PPFIA2: variants seen among roughly 807,000 people sequenced by gnomAD.
The protein encoded by PPFIA2 is liprin-alpha-2.
PPFIA2 carries 46 observed loss-of-function variants against 175.5 expected under a neutral mutation model. The ratio of observed to expected loss-of-function variants is 0.26; its 90% confidence interval spans 0.21 to 0.34. PPFIA2 has a LOEUF of 0.34. PPFIA2 is among the 10% of genes least tolerant of loss of function. The probability of loss-of-function intolerance (pLI) is 1.00; values close to 1 mark genes in which losing one functional copy is unlikely to be tolerated. For missense variants in PPFIA2, 1,179 were observed against 1,506.1 expected, an observed-to-expected ratio of 0.78 and a Z score of 3.60; for synonymous variants, 568 against 511.4, an observed-to-expected ratio of 1.11 and a Z score of -1.49.
intron 4 of PPFIA2, among the ~76,000 whole-genome samples, chr12:81,665,693 A>C (rs1248069675): frequency 2.0e-5 from 3 of 152,060 alleles, no homozygotes; most frequent in African/African-American, 7.3e-5. Flanking sequence ...TCCTGTTTTC[A>C]TCATAATCAC....
rs567173255 is a variant in PPFIA2 at position 81,524,658 on chromosome 12, G to A, written c.304-66792C>T. ...GATTTAGATAATATTTAGATGAGAT[G>A]TGAACTTTAGACTTCTAAGTTGATA... On this transcript the variant is annotated intron_variant, in intron 4 of 32. Coordinates refer to ENST00000549396, the MANE Select transcript of PPFIA2 (RefSeq NM_003625.5). Among the ~76,000 whole-genome samples the A allele has an allele frequency of 3.3e-5, 5 of 152,316 alleles. No homozygotes were observed. In the South Asian group the frequency reaches 1.0e-3, roughly 32 times the overall value.
At position 81,405,901 on chromosome 12, in the gene PPFIA2, A is replaced by C. The variant is rs771423380; in HGVS notation, c.648T>G (p.Ile216Met). The C allele has an allele frequency of 1.9e-6, 3 of 1,545,470 alleles. No homozygotes were observed. The African/African-American group carries it at 4.1e-5, about 21-fold the overall frequency. ...GAACATTTTGTTCACGCAAGGCAACAATCTGCAAAATAAAAGCACTATGCC... is the reference window on the plus strand; with the variant it reads ...GAACATTTTGTTCACGCAAGGCAACCATCTGCAAAATAAAAGCACTATGCC... Reference protein sequence around the residue: ...EEELAAANQEIVALREQNVHI... With the variant: ...EEELAAANQEMVALREQNVHI... The change falls in exon 8 of 33, where the codon ATT (isoleucine) becomes ATG (methionine). Residue 216 changes from isoleucine to methionine, a missense_variant and splice_region_variant. This residue lies in a region of PPFIA2 where 226 missense variants were observed against 216.6 expected (regional missense o/e 1.04). Transcript: ENST00000549396.
At chr12:81,368,065 T>A (rs962163238) in intron 13 of PPFIA2, 1 of 1,247,024 alleles carries the variant, frequency 8.0e-7, no homozygotes, top group African/African-American at 1.5e-5. Context: ...CAATCTAGAT[T>A]TCTAAAATGA....
chr12:81,337,504 G>T (rs558999657), intron 21 of PPFIA2, among the ~76,000 whole-genome samples: 1 of 152,056 alleles, frequency 6.6e-6, no homozygotes, highest in East Asian at 1.9e-4. Context: ...GTTTCTCAAA[G>T]GTTCTATACT....
intron 4 of PPFIA2, among the ~76,000 whole-genome samples, chr12:81,565,476 A>C (rs1266002948): frequency 6.6e-6 from 1 of 152,076 alleles, no homozygotes; most frequent in Non-Finnish European, 1.5e-5. Flanking sequence ...GTTAATAATA[A>C]ACTCCTGTCT....
At chr12:81,293,591 C>T (rs2045626335) in intron 24 of PPFIA2, among the ~76,000 whole-genome samples, 1 of 151,682 alleles carries the variant, frequency 6.6e-6, no homozygotes, top group Admixed American at 6.6e-5. Flanking sequence ...AAGTGAGATA[C>T]CATCCCACCT....
intron 5 of PPFIA2, among the ~76,000 whole-genome samples, chr12:81,456,678 T>G (rs574374342): frequency 6.6e-6 from 1 of 152,224 alleles, no homozygotes; most frequent in Non-Finnish European, 1.5e-5. Flanking sequence ...TTTTTCTACT[T>G]CCTTTTAGTA....
intron 7 of PPFIA2, chr12:81,430,077 C>T (rs779626917): frequency 2.0e-5 from 3 of 152,098 alleles, no homozygotes; most frequent in African/African-American, 7.2e-5. Context: ...TTCATCACTA[C>T]ACTACATGTT....
Position 81,620,861 on chromosome 12 carries a change from G to A in PPFIA2, c.303+55930C>T, listed in dbSNP as rs951295659. Among the ~76,000 whole-genome samples, 18 of 152,268 alleles carry A rather than the reference G, an allele frequency of 1.2e-4. No individual in the cohort carries two copies. In the East Asian group the frequency reaches 3.1e-3, roughly 26 times the overall value. ...ATATTAAGGTCACTGAGATACCCATGTAAAATCAATACACTGTTTAGACAT... is the reference window on the plus strand; with the variant it reads ...ATATTAAGGTCACTGAGATACCCATATAAAATCAATACACTGTTTAGACAT... On this transcript the variant is annotated intron_variant, in intron 4 of 32. Coordinates refer to ENST00000549396, the MANE Select transcript of PPFIA2 (RefSeq NM_003625.5).
intron 26 of PPFIA2, among the ~76,000 whole-genome samples, chr12:81,282,064 G>A (rs1230631818): frequency 6.6e-6 from 1 of 151,888 alleles, no homozygotes; most frequent in African/African-American, 2.4e-5. Context: ...AGCAGGACAG[G>A]ATCAAAAACT....
intron 15 of PPFIA2, among the ~76,000 whole-genome samples, chr12:81,362,243 CAAT>C (rs935026788): frequency 2.5e-4 from 37 of 149,608 alleles, no homozygotes; most frequent in African/African-American, 8.8e-4. Context: ...TGACCATAAT[CAAT>C]AATATTTGTT....
At chr12:81,329,774 G>A (rs558959235) in intron 21 of PPFIA2, among the ~76,000 whole-genome samples, 16 of 152,268 alleles carry the variant, frequency 1.1e-4, no homozygotes, top group African/African-American at 2.9e-4. Flanking sequence ...TGGCTGGATC[G>A]GGCAACATGT....
At chr12:81,494,749 G>C (rs1013811082) in intron 4 of PPFIA2, among the ~76,000 whole-genome samples, 2 of 151,848 alleles carry the variant, frequency 1.3e-5, no homozygotes, top group Non-Finnish European at 2.9e-5. Flanking sequence ...ATACACCATG[G>C]AATACTATGC....
chr12:81,607,241 C>T (rs942313721), intron 4 of PPFIA2, among the ~76,000 whole-genome samples: 2 of 152,038 alleles, frequency 1.3e-5, no homozygotes, highest in African/African-American at 2.4e-5. Flanking sequence ...CAGTGTGATG[C>T]CTCCAACTTT....
intron 2 of PPFIA2, among the ~76,000 whole-genome samples, chr12:81,754,857 T>C (rs2084393353): frequency 1.3e-5 from 2 of 152,204 alleles, no homozygotes; most frequent in South Asian, 4.1e-4. Flanking sequence ...ATTTTCCATT[T>C]TATTACTTTT....
At chr12:81,621,006 T>C (rs1028947570) in intron 4 of PPFIA2, among the ~76,000 whole-genome samples, 1 of 152,122 alleles carries the variant, frequency 6.6e-6, no homozygotes, top group Non-Finnish European at 1.5e-5. Flanking sequence ...GGGAAAAAAA[T>C]TGTCTTCATA....
At chr12:81,302,822 T>G (rs1213451502) in intron 22 of PPFIA2, 1 of 327,142 alleles carries the variant, frequency 3.1e-6, no homozygotes, top group Non-Finnish European at 6.3e-6. Context: ...AAGGCATATA[T>G]CTAGGCATGT....
intron 24 of PPFIA2, among the ~76,000 whole-genome samples, chr12:81,293,297 C>T (rs1386350487): frequency 1.3e-5 from 2 of 151,764 alleles, no homozygotes; most frequent in South Asian, 2.1e-4. Context: ...GGGAATTTGT[C>T]GTCATGCATG....
intron 4 of PPFIA2, among the ~76,000 whole-genome samples, chr12:81,615,504 C>G (rs2061354244): frequency 6.6e-6 from 1 of 152,000 alleles, no homozygotes. Context: ...CCTGGGAGAC[C>G]AGCAAAGAAA....
Sources: allele counts gnomAD v4.1 joint callset (sites outside exome capture counted in the v4.1 genomes callset), GRCh38; gene constraint gnomAD v4.1.1; regional missense constraint gnomAD v4.1.1; transcripts MANE v1.5; gene names NCBI Gene and HGNC (gene_info 2026-07-23, HGNC 2026-07-21).